The following HNRNPC variants were observed in gnomAD, a reference collection of about 807,000 sequenced individuals.
The protein encoded by HNRNPC is heterogeneous nuclear ribonucleoprotein C.
Under a neutral mutation model 33.2 loss-of-function variants are expected in HNRNPC, and 3 were observed. The observed-to-expected ratio is 0.09, with a 90% CI of 0.04 to 0.23. The LOEUF is 0.23. HNRNPC is among the 10% of genes least tolerant of loss of function. The pLI, the probability that HNRNPC is intolerant of heterozygous loss-of-function variation, is 1.00. For missense variants in HNRNPC, 143 were observed against 366.7 expected, an observed-to-expected ratio of 0.39 and a Z score of 4.98; for synonymous variants, 121 against 126.7, an observed-to-expected ratio of 0.96 and a Z score of 0.30.
At position 21,269,395 on chromosome 14, in the gene HNRNPC, A is replaced by C. The variant is rs924865905; in HGVS notation, c.-160T>G. The C allele has an allele frequency of 1.3e-5, 2 of 154,684 alleles. No individual in the cohort carries two copies. The highest frequency in any genetic ancestry group is 2.9e-5 in the Non-Finnish European group (2 of 69,256). The allele number at this position is 154,684 out of a possible 1,614,324, so 9.6% of individuals were successfully genotyped here. On this transcript the variant is annotated 5_prime_UTR_variant, in exon 1 of 9. Coordinates refer to ENST00000553300, the MANE Select transcript of HNRNPC (RefSeq NM_004500.4). The stretch of plus-strand genomic sequence containing the variant: ...TGCTGGAGGTCGGCAACGCGGCCAC[A>C]ACCGCTCAGTCTTCGTCTCTTCACA...
intron 2 of HNRNPC, among the ~76,000 whole-genome samples, chr14:21,253,700 G>C (rs1415161456): frequency 6.6e-6 from 1 of 152,042 alleles, no homozygotes. Context: ...TAGAAATTAA[G>C]TATTAGTGGC....
At chr14:21,240,426 T>C (rs1895209447) in intron 2 of HNRNPC, among the ~76,000 whole-genome samples, 1 of 152,206 alleles carries the variant, frequency 6.6e-6, no homozygotes. Context: ...AATACTTCAT[T>C]ACCATTACAT....
intron 2 of HNRNPC, chr14:21,254,565 A>C (rs184159060): frequency 6.6e-4 from 100 of 152,288 alleles, no homozygotes; most frequent in African/African-American, 2.3e-3. Flanking sequence ...CCAAATCCAC[A>C]TCAATCTTCA....
chr14:21,240,247 A>G (rs965962817), intron 2 of HNRNPC, among the ~76,000 whole-genome samples: 3 of 152,224 alleles, frequency 2.0e-5, no homozygotes, highest in Admixed American at 2.0e-4. Context: ...GCTTAAAAGC[A>G]AAAAATAAGT....
intron 2 of HNRNPC, among the ~76,000 whole-genome samples, chr14:21,257,621 T>C (rs1282336186): frequency 6.6e-6 from 1 of 152,072 alleles, no homozygotes; most frequent in African/African-American, 2.4e-5. Context: ...GTCTCACTCT[T>C]GTCACCCAGG....
chr14:21,221,752 A>G (rs1892845047), intron 5 of HNRNPC, among the ~76,000 whole-genome samples: 1 of 152,182 alleles, frequency 6.6e-6, no homozygotes, highest in African/African-American at 2.4e-5. Context: ...TGTGTGGAAG[A>G]GTAAACAAAT....
At chr14:21,247,527 A>G (rs1896120868) in intron 2 of HNRNPC, among the ~76,000 whole-genome samples, 2 of 152,156 alleles carry the variant, frequency 1.3e-5, no homozygotes, top group Middle Eastern at 3.2e-3. Flanking sequence ...TTAGTTTTCT[A>G]TTTTTTGTAC....
At chr14:21,230,747 C>CTA in intron 4 of HNRNPC, 1 of 517,728 alleles carries the variant, frequency 1.9e-6, no homozygotes, top group Non-Finnish European at 3.4e-6. Flanking sequence ...TCAAACTACT[C>CTA]TTTAATATCA....
At chr14:21,220,634 A>G (rs538487816) in intron 5 of HNRNPC, among the ~76,000 whole-genome samples, 1 of 152,290 alleles carries the variant, frequency 6.6e-6, no homozygotes, top group South Asian at 2.1e-4. Context: ...CTTCTAGGAA[A>G]TAATAATCCA....
chr14:21,256,724 G>A (rs963805814), intron 2 of HNRNPC, among the ~76,000 whole-genome samples: 4 of 151,634 alleles, frequency 2.6e-5, no homozygotes, highest in African/African-American at 4.8e-5. Flanking sequence ...GTGCGATCTC[G>A]GCTCACTGCA....
rs79375357 is a variant in HNRNPC at position 21,231,650 on chromosome 14, G to A, written c.242-578C>T. ...GGCTCACAAATTTTTACAAGGCTAA[G>A]GCTTCATCTTCCGTTTCTTTGTAGT... On this transcript the variant is annotated intron_variant, in intron 3 of 8. Coordinates refer to ENST00000553300, the MANE Select transcript of HNRNPC (RefSeq NM_004500.4). Among the ~76,000 whole-genome samples, 77 of 152,270 alleles carry A rather than the reference G, an allele frequency of 5.1e-4. No homozygotes were observed. The East Asian group carries it at 0.013, about 26-fold the overall frequency.
intron 2 of HNRNPC, among the ~76,000 whole-genome samples, chr14:21,256,368 G>C (rs1289477381): frequency 1.3e-5 from 2 of 151,926 alleles, no homozygotes; most frequent in African/African-American, 4.8e-5. Context: ...AGAACTGCTT[G>C]AACCCGGGAG....
chr14:21,217,441 C>G (rs2139496694), intron 5 of HNRNPC, among the ~76,000 whole-genome samples: 1 of 152,240 alleles, frequency 6.6e-6, no homozygotes, highest in South Asian at 2.1e-4. Flanking sequence ...ACCACTGGAG[C>G]TATACAAGGT....
At chr14:21,220,822 G>GT (rs976524224) in intron 5 of HNRNPC, among the ~76,000 whole-genome samples, 3 of 140,134 alleles carry the variant, frequency 2.1e-5, no homozygotes, top group Non-Finnish European at 4.7e-5. Flanking sequence ...TGTTTTCAAG[G>GT]TATTTATTTA....
chr14:21,214,538 T>C (rs1223935276), intron 5 of HNRNPC, among the ~76,000 whole-genome samples: 1 of 152,108 alleles, frequency 6.6e-6, no homozygotes, highest in Non-Finnish European at 1.5e-5. Context: ...GAACCATGAC[T>C]GCACCACTGC....
rs1894085791 is a variant in HNRNPC, at chr14:21,231,303, C to G, written c.242-231G>C. On this transcript the variant is annotated intron_variant, in intron 3 of 8. Coordinates refer to ENST00000553300, the MANE Select transcript of HNRNPC (RefSeq NM_004500.4). ...CGGGCACCACCATGCCCAGCTAATA[C>G]AAACTACGAAGTTTAGAAAATCACA... 17 of 632,320 alleles carry G rather than the reference C, an allele frequency of 2.7e-5. No homozygotes were observed. In the Middle Eastern group the frequency reaches 1.0e-3, roughly 37 times the overall value. 39.2% of individuals were successfully genotyped at this position (632,320 alleles called of 1,614,324 possible). A position where few individuals can be genotyped will look rare whatever the true frequency, so the allele number is the denominator to read the frequency against.
At chr14:21,231,429 T>G (rs906460723) in intron 3 of HNRNPC, 1 of 460,572 alleles carries the variant, frequency 2.2e-6, no homozygotes, top group Admixed American at 2.3e-5. Flanking sequence ...CAATAATGGC[T>G]CAATACAGCC....
At chr14:21,223,265 G>A (rs1375612291) in intron 5 of HNRNPC, among the ~76,000 whole-genome samples, 1 of 152,042 alleles carries the variant, frequency 6.6e-6, no homozygotes, top group Non-Finnish European at 1.5e-5. Context: ...CCCTCAAGAA[G>A]ATTCATAAAA....
chr14:21,216,818 A>G (rs1892243015), intron 5 of HNRNPC, among the ~76,000 whole-genome samples: 1 of 152,228 alleles, frequency 6.6e-6, no homozygotes, highest in African/African-American at 2.4e-5. Context: ...AAACTTAACT[A>G]TGTAGATAAA....
Sources: allele counts gnomAD v4.1 joint callset (sites outside exome capture counted in the v4.1 genomes callset), GRCh38; gene constraint gnomAD v4.1.1; transcripts MANE v1.5; gene names NCBI Gene and HGNC (gene_info 2026-07-23, HGNC 2026-07-21).